PLD3: variants seen among roughly 807,000 people sequenced by gnomAD.
PLD3 encodes the protein phospholipase D family member 3, also known as 5'-3' exonuclease PLD3.
A neutral mutation model predicts 58.4 loss-of-function variants in PLD3; 31 were observed. The ratio of observed to expected loss-of-function variants is 0.53; its 90% CI spans 0.40 to 0.72. PLD3 has a LOEUF of 0.72. Ranked by LOEUF, PLD3 falls within the 30% of genes least tolerant of loss-of-function variation. The pLI, the probability that PLD3 is intolerant of heterozygous loss-of-function variation, is 0.00. For synonymous variants in PLD3, 264 were observed against 273.4 expected (o/e 0.97, Z 0.34); for missense variants, 595 against 659.8 (o/e 0.90, Z 1.08).
chr19:40,370,136 C>A lies in PLD3; in HGVS notation c.577C>A (p.Gln193Lys), dbSNP rs748777623. 1.9e-6 allele frequency: 3 copies of A among 1,613,364 alleles called. No individual in the cohort carries two copies. Among genetic ancestry groups the A allele is most frequent in the Non-Finnish European group, 2.5e-6 (3 of 1,179,712 alleles). Residue 193 changes from glutamine (Q) to lysine (K), a missense_variant, in exon 8 of 13, where the codon CAG becomes AAG. Gln to Lys is a moderately conservative substitution (Grantham distance 53). Transcript: ENST00000409735. Reference protein sequence around the residue: ...SGAQVRMVDMQKLTHGVLHTK... With the variant: ...SGAQVRMVDMKKLTHGVLHTK... The stretch of plus-strand genomic sequence containing the variant: ...TGCCCAGGTCCGCATGGTGGACATG[C>A]AGAAGCTGACCCATGGCGTCCTGCA...
At position 40,374,779 on chromosome 19, in the gene PLD3, A is replaced by G. The variant is rs566541548; in HGVS notation, c.1019+159A>G. The G allele has an allele frequency of 7.8e-5, 55 of 703,460 alleles. No homozygotes were observed. In the African/African-American group the frequency reaches 9.6e-4, roughly 12 times the overall value. The allele number at this position is 703,460 out of a possible 1,614,324, so 43.6% of individuals were successfully genotyped here. A position where few individuals can be genotyped will look rare whatever the true frequency, so the allele number is the denominator to read the frequency against. The stretch of plus-strand genomic sequence containing the variant: ...CACCAGGAGGTGACCGGAAGAAGGT[A>G]TCTAGGCACTTGAGACAGGAGAAAG... On this transcript the variant is annotated intron_variant, in intron 10 of 12. Coordinates refer to ENST00000409735, the MANE Select transcript of PLD3 (RefSeq NM_012268.4).
intron 11 of PLD3, among the ~76,000 whole-genome samples, chr19:40,377,192 G>A (rs1336736988): frequency 7.1e-6 from 1 of 139,964 alleles, no homozygotes; most frequent in Non-Finnish European, 1.6e-5. Flanking sequence ...CAGGATGGAG[G>A]AGGCCCAGGC....
intron 11 of PLD3, 128 bp downstream of exon 11, chr19:40,376,902 G>C: frequency 1.1e-6 from 1 of 911,748 alleles, no homozygotes; most frequent in Non-Finnish European, 1.6e-6. Flanking sequence ...GGGAAACCAT[G>C]GGTCAGGGCC....
chr19:40,355,111 T>G (rs1286359645), intron 1 of PLD3, among the ~76,000 whole-genome samples: 1 of 152,090 alleles, frequency 6.6e-6, no homozygotes, highest in Non-Finnish European at 1.5e-5. Flanking sequence ...AGTGCTGGGA[T>G]TACAAGCATG....
In PLD3 at chr19:40,376,698, C is replaced by T. The variant is rs374934757; in HGVS notation, c.1109C>T (p.Ser370Leu). 22 of 1,604,480 alleles carry T rather than the reference C, an allele frequency of 1.4e-5. No individual in the cohort carries two copies. Among genetic ancestry groups the T allele is most frequent in the African/African-American group, 2.7e-5 (2 of 74,942 alleles). ...VRLLISCWGH[S>L]EPSMRAFLLS... is the part of the protein sequence containing the mutation. Reference sequence around the variant, plus strand: ...CTGCTCATCAGCTGCTGGGGACACTCGGAGCCATCCATGCGGGCCTTCCTG... The same window carrying T: ...CTGCTCATCAGCTGCTGGGGACACTTGGAGCCATCCATGCGGGCCTTCCTG... Residue 370 changes from serine (S) to leucine (L), a missense_variant, in exon 11 of 13, where the codon TCG becomes TTG. Transcript: ENST00000409735.
At chr19:40,349,009 T>C (rs1259696532) in intron 1 of PLD3, among the ~76,000 whole-genome samples, 1 of 152,018 alleles carries the variant, frequency 6.6e-6, no homozygotes, top group African/African-American at 2.4e-5. Context: ...GCCATCACCC[T>C]CTTTAAATCC....
chr19:40,373,743 T>C (rs2079123330), intron 9 of PLD3, among the ~76,000 whole-genome samples: 1 of 151,982 alleles, frequency 6.6e-6, no homozygotes, highest in Middle Eastern at 3.2e-3. Flanking sequence ...TCCCAGCACT[T>C]TGGGAGGCCT....
Position 40,366,931 on chromosome 19 carries a change from T to C in PLD3, c.245+16T>C. On this transcript the variant is annotated intron_variant, in intron 5 of 12. Transcript: ENST00000409735. ...ACCCTTGCGAGTAAGTGGGGGGTGC[T>C]GCAGTTGGTGGGGGAGGGGCCTGCC... 1 of 1,584,944 alleles carries C rather than the reference T, an allele frequency of 6.3e-7. No homozygotes were observed. The highest frequency in any genetic ancestry group is 1.3e-5 in the African/African-American group (1 of 74,354).
At chr19:40,363,065 T>C (rs1369382005) in intron 1 of PLD3, among the ~76,000 whole-genome samples, 1 of 151,890 alleles carries the variant, frequency 6.6e-6, no homozygotes, top group Non-Finnish European at 1.5e-5. Flanking sequence ...GTGCCAGGCC[T>C]TTCTCCTTAT....
intron 9 of PLD3, among the ~76,000 whole-genome samples, chr19:40,374,184 T>C (rs1348005436): frequency 6.6e-6 from 1 of 152,078 alleles, no homozygotes; most frequent in African/African-American, 2.4e-5. Flanking sequence ...TGCCGCTGGA[T>C]CAGGGACCTT....
In PLD3 at chr19:40,374,940, G is replaced by A. The variant is rs545634591; in HGVS notation, c.1019+320G>A. On this transcript the variant is annotated intron_variant, in intron 10 of 12. Coordinates refer to ENST00000409735, the MANE Select transcript of PLD3 (RefSeq NM_012268.4). Reference sequence around the variant, plus strand: ...CGGGGCTGAGGTGGGTGGATCACTTGAGGTCAGGAGTTCAAGACCAGCCTG... The same window carrying A: ...CGGGGCTGAGGTGGGTGGATCACTTAAGGTCAGGAGTTCAAGACCAGCCTG... 123 of 307,414 alleles carry A rather than the reference G, an allele frequency of 4.0e-4. 1 individual carries two copies. The highest frequency in any genetic ancestry group is 1.6e-3 in the Admixed American group (34 of 21,426). 19.0% of individuals were successfully genotyped at this position (307,414 alleles called of 1,614,324 possible).
In PLD3 at chr19:40,366,766, C is replaced by T; in HGVS notation, c.103-7C>T. Reference sequence around the variant, plus strand: ...CGGGCTGGCTGACCACCTCCTCCTCCCCACAGAAAGCCCGCTGGGTCCTGC... The same window carrying T: ...CGGGCTGGCTGACCACCTCCTCCTCTCCACAGAAAGCCCGCTGGGTCCTGC... On this transcript the variant is annotated splice_polypyrimidine_tract_variant and splice_region_variant and intron_variant, in intron 4 of 12. Coordinates refer to ENST00000409735, the MANE Select transcript of PLD3 (RefSeq NM_012268.4). The T allele has an allele frequency of 6.2e-7, 1 of 1,613,976 alleles. No individual in the cohort carries two copies.
At chr19:40,366,576 C>T (rs747342934) in intron 3 of PLD3, 34 bp from the exon 4 acceptor site, 6 of 1,583,920 alleles carry the variant, frequency 3.8e-6, no homozygotes, top group Admixed American at 3.5e-5. Flanking sequence ...TCCCAAGAGC[C>T]ACCTGTCACC....
At chr19:40,367,047 G>A (rs965427290) in intron 5 of PLD3, 132 bp downstream of exon 5, 1 of 961,076 alleles carries the variant, frequency 1.0e-6, no homozygotes, top group Non-Finnish European at 1.5e-6. Context: ...AGGCTCCCAA[G>A]TGCTCGCCCG....
chr19:40,375,737 C>G (rs1435008121), intron 10 of PLD3, among the ~76,000 whole-genome samples: 2 of 151,060 alleles, frequency 1.3e-5, no homozygotes, highest in Non-Finnish European at 2.9e-5. Context: ...ACTTGTGGGG[C>G]TCAAAGAAGG....
In PLD3 at chr19:40,367,898, C is replaced by T; in HGVS notation, c.429+19C>T. 6.6e-7 allele frequency: 1 copy of T among 1,522,284 alleles called. No individual in the cohort carries two copies. The highest frequency in any genetic ancestry group is 8.8e-7 in the Non-Finnish European group (1 of 1,133,852). The allele number at this position is 1,522,284 out of a possible 1,614,324, so 94.3% of individuals were successfully genotyped here. On this transcript the variant is annotated intron_variant, in intron 6 of 12. Transcript: ENST00000409735. ...CCAGCAGGTACCTGCAACCTTGGCC[C>T]TGGCCGGCAGCAGGGGCAGGGGGTG...
chr19:40,376,521 C>T, intron 10 of PLD3, 88 bp from the exon 11 acceptor site: 1 of 1,328,058 alleles, frequency 7.5e-7, no homozygotes. Flanking sequence ...AAGCAGGGCC[C>T]AGGCTTGGTT....
rs866850284 is a variant in PLD3 at position 40,369,995 on chromosome 19, C to A, written c.517C>A (p.Pro173Thr). 7 of 1,560,410 alleles carry A rather than the reference C, an allele frequency of 4.5e-6. No individual in the cohort carries two copies. In the East Asian group the frequency reaches 1.7e-4, roughly 37 times the overall value. The stretch of plus-strand genomic sequence containing the variant: ...TGTGAGCAAGCCCAGCGGGCCCCAG[C>A]CACAGGCGGACCTGCAGGCTCTGCT... ...IAVSKPSGPQ[P>T]QADLQALLQS... Residue 173 changes from proline (P) to threonine (T), a missense_variant, in exon 7 of 13, where the codon CCA (proline) becomes ACA (threonine). Pro to Thr is a conservative substitution (Grantham distance 38, BLOSUM62 -1). Coordinates refer to ENST00000409735, the MANE Select transcript of PLD3 (RefSeq NM_012268.4).
Position 40,355,612 on chromosome 19 carries a change from C to CTT in PLD3, c.-279+6868_-279+6869dup, listed in dbSNP as rs60422933. ...CAGGTGTGAGCCACCGTGCCGGCTC[C>CTT]TTTTTTTTTTTTTTTTTTTTTTTTT... On this transcript the variant is annotated intron_variant, in intron 1 of 12. Coordinates refer to ENST00000409735, the MANE Select transcript of PLD3 (RefSeq NM_012268.4). Among the ~76,000 whole-genome samples, 536 of 81,046 alleles carry CTT rather than the reference C, an allele frequency of 6.6e-3. 8 individuals are homozygous for CTT. The highest frequency in any genetic ancestry group is 6.8e-3 in the East Asian group (17 of 2,506). 53.2% of individuals were successfully genotyped at this position (81,046 alleles called of 152,430 possible).
Sources: gnomAD v4.1 joint callset for allele counts (sites outside exome capture counted in the v4.1 genomes callset) on GRCh38, gnomAD v4.1.1 for gene constraint, MANE v1.5 for transcripts, NCBI Gene and HGNC (gene_info 2026-07-23, HGNC 2026-07-21) for gene names.